The following ZDHHC17 variants were observed in gnomAD, a reference collection of about 807,000 sequenced individuals.
The protein encoded by ZDHHC17 is palmitoyltransferase ZDHHC17.
Under a neutral mutation model 90.3 loss-of-function variants are expected in ZDHHC17, and 40 were observed. The ratio of observed to expected loss-of-function variants is 0.44; its 90% CI spans 0.34 to 0.58. The LOEUF is 0.58. Among genes scored for constraint, ZDHHC17 ranks in the 20% least tolerant of loss-of-function variants. The pLI, the probability that ZDHHC17 is intolerant of heterozygous loss-of-function variation, is 0.01. For missense variants in ZDHHC17, 614 were observed against 780.8 expected, an observed-to-expected ratio of 0.79 and a Z score of 2.55; for synonymous variants, 235 against 252.4, an observed-to-expected ratio of 0.93 and a Z score of 0.65.
chr12:76,842,048 G>T lies in ZDHHC17; in HGVS notation c.1208G>T (p.Gly403Val). The change falls in exon 11 of 17, where the codon GGA (glycine) becomes GTA (valine). Residue 403 changes from glycine to valine, a missense_variant. Physicochemically the swap from Gly to Val is moderately radical, Grantham distance 109. Around this residue, in one of 5 missense-constraint regions of ZDHHC17, gnomAD observed 117 missense variants for 183.6 expected, o/e 0.64. Transcript: ENST00000426126. ...AGTGTTGCACTTTTCTACAATTTTG[G>T]AAAATCTTGGAAATCAGATCCAGGG... The part of the protein sequence containing the change: ...ANSVALFYNF[G>V]KSWKSDPGII... 1 of 1,600,386 alleles carries T rather than the reference G, an allele frequency of 6.2e-7. No homozygotes were observed. Among genetic ancestry groups the T allele is most frequent in the Non-Finnish European group, 8.5e-7 (1 of 1,174,020 alleles).
rs1592500479 is a variant in ZDHHC17, at chr12:76,846,446, A to T, written c.1424-150A>T. On this transcript the variant is annotated intron_variant, in intron 13 of 16. Transcript: ENST00000426126. ...TCTTATTTAAGATTTTTATTAAAAC[A>T]TTTTTCCTGAAAACCACTTTATAAA... 4 of 583,392 alleles carry T rather than the reference A, an allele frequency of 6.9e-6. No individual in the cohort carries two copies. The East Asian group carries it at 1.1e-4, about 17-fold the overall frequency. The allele number at this position is 583,392 out of a possible 1,614,324, so 36.1% of individuals were successfully genotyped here.
chr12:76,769,879 A>G (rs1288619527), intron 1 of ZDHHC17, among the ~76,000 whole-genome samples: 1 of 152,130 alleles, frequency 6.6e-6, no homozygotes, highest in Admixed American at 6.5e-5. Context: ...GAGAAATGTC[A>G]TTTTCCTGAT....
intron 10 of ZDHHC17, among the ~76,000 whole-genome samples, chr12:76,829,720 CT>C (rs1468986912): frequency 1.3e-5 from 2 of 152,114 alleles, no homozygotes; most frequent in Non-Finnish European, 2.9e-5. Context: ...CTTCTCACCT[CT>C]TTTGCCTTCA....
intron 14 of ZDHHC17, among the ~76,000 whole-genome samples, chr12:76,847,877 C>T (rs985768610): frequency 6.6e-6 from 1 of 152,026 alleles, no homozygotes; most frequent in African/African-American, 2.4e-5. Context: ...GCTCATGTCA[C>T]CATCCTATTA....
rs1953571685 is a variant in ZDHHC17 at position 76,851,892 on chromosome 12, T to C, written c.*907T>C. ...TCTCAGTAATAGTGATACATGGATA[T>C]ACTTCCTTTTAAATTCTCAGCTGCA... is the stretch of plus-strand genomic sequence containing the variant. On this transcript the variant is annotated 3_prime_UTR_variant, in exon 17 of 17. Transcript: ENST00000426126. The C allele has an allele frequency of 6.6e-6, 1 of 152,658 alleles. No homozygotes were observed. Among genetic ancestry groups the C allele is most frequent in the South Asian group, 2.1e-4 (1 of 4,836 alleles). 9.5% of individuals were successfully genotyped at this position (152,658 alleles called of 1,614,324 possible). A position where few individuals can be genotyped will look rare whatever the true frequency, so the allele number is the denominator to read the frequency against.
At chr12:76,793,781 T>G (rs1952787993) in intron 1 of ZDHHC17, among the ~76,000 whole-genome samples, 1 of 152,226 alleles carries the variant, frequency 6.6e-6, no homozygotes, top group Admixed American at 6.5e-5. Flanking sequence ...TCTTAAAAGT[T>G]ACAATGACAC....
chr12:76,786,192 C>T (rs1372327504), intron 1 of ZDHHC17, among the ~76,000 whole-genome samples: 1 of 151,358 alleles, frequency 6.6e-6, no homozygotes, highest in African/African-American at 2.4e-5. Flanking sequence ...TCACAGTTTA[C>T]TGTAGGCTCA....
chr12:76,839,806 A>G (rs564442676), intron 10 of ZDHHC17, among the ~76,000 whole-genome samples: 2 of 152,280 alleles, frequency 1.3e-5, no homozygotes, highest in Non-Finnish European at 2.9e-5. Context: ...TCGTGTTGTT[A>G]GTGGGGTTAT....
chr12:76,794,221 A>G (rs1376442560), intron 1 of ZDHHC17, among the ~76,000 whole-genome samples: 1 of 152,152 alleles, frequency 6.6e-6, no homozygotes, highest in Non-Finnish European at 1.5e-5. Flanking sequence ...TGAACTAAAT[A>G]TTTGTATGTT....
chr12:76,843,542 C>T (rs1953460648), intron 12 of ZDHHC17, among the ~76,000 whole-genome samples: 1 of 151,752 alleles, frequency 6.6e-6, no homozygotes, highest in African/African-American at 2.4e-5. Context: ...TATGAAATTA[C>T]TAGTATTTAT....
chr12:76,778,150 T>C lies in ZDHHC17; in HGVS notation c.93+13821T>C, dbSNP rs530307118. On this transcript the variant is annotated intron_variant, in intron 1 of 16. Transcript: ENST00000426126. ...TCAGCAGCTGTGGGGAATATTGAGT[T>C]TTTGGTCAGTGAGATGAAGAAGTCT... Among the ~76,000 whole-genome samples, 10 of 152,260 alleles carry C rather than the reference T, an allele frequency of 6.6e-5. No individual in the cohort carries two copies. In the South Asian group the frequency reaches 2.1e-3, roughly 32 times the overall value.
chr12:76,846,073 A>G (rs1037758852), intron 13 of ZDHHC17, among the ~76,000 whole-genome samples: 6 of 152,046 alleles, frequency 3.9e-5, no homozygotes, highest in African/African-American at 7.2e-5. Flanking sequence ...AACTAGAGAG[A>G]TGAAGGCGGT....
intron 10 of ZDHHC17, among the ~76,000 whole-genome samples, chr12:76,838,974 AG>A (rs1373187694): frequency 6.6e-6 from 1 of 152,210 alleles, no homozygotes; most frequent in Non-Finnish European, 1.5e-5. Flanking sequence ...GGTGCCAGCA[AG>A]TTTGAGTTCT....
intron 5 of ZDHHC17, among the ~76,000 whole-genome samples, chr12:76,810,960 C>T (rs1205375266): frequency 6.6e-6 from 1 of 152,172 alleles, no homozygotes; most frequent in Admixed American, 6.5e-5. Flanking sequence ...CTTTCTTTCT[C>T]TATGTAGTGT....
Position 76,809,719 on chromosome 12 carries a change from C to A in ZDHHC17, c.405C>A (p.Gly135=). The A allele has an allele frequency of 6.7e-7, 1 of 1,498,294 alleles. No individual in the cohort carries two copies. The highest frequency in any genetic ancestry group is 8.9e-7 in the Non-Finnish European group (1 of 1,125,936). The allele number at this position is 1,498,294 out of a possible 1,614,324, so 92.8% of individuals were successfully genotyped here. ...TTATTCTTTTATGTTTTAGACAAGG[C>A]CATCTATCCATGGTTGTGCAACTAA... is the stretch of plus-strand genomic sequence containing the variant. ...STPLHWATRQ[G]HLSMVVQLMK... is the part of the protein sequence containing the mutation. The change falls in exon 5 of 17, where the codon GGC becomes GGA. Residue 135 remains glycine (G), a synonymous_variant. Coordinates refer to ENST00000426126, the MANE Select transcript of ZDHHC17 (RefSeq NM_015336.4).
At chr12:76,797,827 C>G (rs151069302) in intron 2 of ZDHHC17, among the ~76,000 whole-genome samples, 2,548 of 151,962 alleles carry the variant, frequency 0.017, 36 homozygotes, top group Middle Eastern at 0.061. Flanking sequence ...GCCTATAATC[C>G]CAGCTATTTG....
chr12:76,815,961 C>A lies in ZDHHC17; in HGVS notation c.713C>A (p.Thr238Asn). The change falls in exon 7 of 17, where the codon ACC (threonine) becomes AAC (asparagine). Residue 238 changes from threonine (T) to asparagine (N), a missense_variant. This residue lies in a region of ZDHHC17 where 358 missense variants were observed against 380.4 expected (regional missense o/e 0.94). Transcript: ENST00000426126. ...ALHWAVLAGNTTVISLLLEAG... is the reference protein window; with the variant it reads ...ALHWAVLAGNNTVISLLLEAG... ...CATTGGGCAGTGCTAGCAGGGAATA[C>A]CACAGTCATTAGCCTTCTTCTGGAA... The A allele has an allele frequency of 6.3e-7, 1 of 1,577,400 alleles. No individual in the cohort carries two copies. The highest frequency in any genetic ancestry group is 1.8e-5 in the Admixed American group (1 of 55,008).
intron 14 of ZDHHC17, among the ~76,000 whole-genome samples, chr12:76,847,053 A>G (rs1006591984): frequency 6.6e-6 from 1 of 152,270 alleles, no homozygotes; most frequent in African/African-American, 2.4e-5. Context: ...TTGGGAAAAT[A>G]TACTTAAAAT....
intron 8 of ZDHHC17, among the ~76,000 whole-genome samples, 184 bp from the exon 9 acceptor site, chr12:76,826,724 A>G (rs1438220376): frequency 6.6e-6 from 1 of 152,230 alleles, no homozygotes; most frequent in East Asian, 1.9e-4. Context: ...AAGTTATTTA[A>G]AATTGTTCAT....
Sources: gnomAD v4.1 joint callset for allele counts (sites outside exome capture counted in the v4.1 genomes callset) on GRCh38, gnomAD v4.1.1 for gene constraint, gnomAD v4.1.1 regional missense constraint, MANE v1.5 for transcripts, NCBI Gene and HGNC (gene_info 2026-07-23, HGNC 2026-07-21) for gene names.